The following NUBPL variants were observed in gnomAD, a reference collection of about 807,000 sequenced individuals.
The protein encoded by NUBPL is iron-sulfur cluster transfer protein NUBPL.
Under a neutral mutation model 45.7 loss-of-function variants are expected in NUBPL, and 31 were observed. That is an observed-to-expected ratio of 0.68 (90% confidence interval 0.51 to 0.92). The LOEUF (loss-of-function observed/expected upper bound fraction) is 0.92, where lower values mean the gene tolerates loss of function less well. Ranked by LOEUF, NUBPL falls within the 40% of genes least tolerant of loss-of-function variation. NUBPL has a pLI of 0.00. For missense variants in NUBPL, 401 were observed against 398.7 expected (o/e 1.01, Z -0.05); for synonymous variants, 144 against 140.9 (o/e 1.02, Z -0.15).
chr14:31,592,956 TA>T (rs1248793125), intron 3 of NUBPL, among the ~76,000 whole-genome samples: 2 of 152,194 alleles, frequency 1.3e-5, no homozygotes, highest in Non-Finnish European at 2.9e-5. Context: ...GAGGAGATAG[TA>T]AACAATAGGT....
At position 31,759,597 on chromosome 14, in the gene NUBPL, C is replaced by T. The variant is rs943349923; in HGVS notation, c.514-28183C>T. On this transcript the variant is annotated intron_variant, in intron 6 of 10. Transcript: ENST00000281081. ...CTGTTCTCATAGTAATTTTCAACTACATATGGTGTCCAACTTACAATGATT... is the reference window on the plus strand; with the variant it reads ...CTGTTCTCATAGTAATTTTCAACTATATATGGTGTCCAACTTACAATGATT... Among the ~76,000 whole-genome samples the T allele has an allele frequency of 9.2e-5, 14 of 151,948 alleles. 1 individual carries two copies. Among genetic ancestry groups the T allele is most frequent in the Non-Finnish European group, 1.9e-4 (13 of 68,012 alleles).
intron 4 of NUBPL, among the ~76,000 whole-genome samples, chr14:31,647,834 A>C (rs971414444): frequency 5.3e-5 from 8 of 152,216 alleles, no homozygotes; most frequent in Non-Finnish European, 1.2e-4. Context: ...CGTTTTGGCT[A>C]TCTAGCTTAT....
chr14:31,672,181 G>A (rs992836759), intron 4 of NUBPL, among the ~76,000 whole-genome samples: 65 of 151,944 alleles, frequency 4.3e-4, no homozygotes, highest in African/African-American at 1.4e-3. Context: ...TCAAAATTGA[G>A]TTTTTCTACT....
chr14:31,667,536 C>T (rs1395924081), intron 4 of NUBPL, among the ~76,000 whole-genome samples: 1 of 151,920 alleles, frequency 6.6e-6, no homozygotes, highest in African/African-American at 2.4e-5. Context: ...TATTACCCAC[C>T]TTCTGCCTAC....
intron 6 of NUBPL, among the ~76,000 whole-genome samples, chr14:31,719,336 T>C (rs184531238): frequency 1.4e-4 from 21 of 152,306 alleles, no homozygotes; most frequent in Non-Finnish European, 2.8e-4. Context: ...GTTGAGCCAT[T>C]GTATGTGTGG....
chr14:31,728,651 G>C (rs2037979572), intron 6 of NUBPL, among the ~76,000 whole-genome samples: 1 of 152,102 alleles, frequency 6.6e-6, no homozygotes, highest in Non-Finnish European at 1.5e-5. Context: ...TTGATCACTA[G>C]ACAACTATTC....
Position 31,744,313 on chromosome 14 carries a change from C to T in NUBPL, c.514-43467C>T, listed in dbSNP as rs2038348580. ...GTATTTAAACAGGCAGTTTGGAAAT[C>T]TTCTGACTAAGCATTTTGAATAATT... On this transcript the variant is annotated intron_variant, in intron 6 of 10. Transcript: ENST00000281081. 2.6e-5 allele frequency among the ~76,000 whole-genome samples: 4 copies of T among 152,130 alleles called. No individual in the cohort carries two copies. In the South Asian group the frequency reaches 6.2e-4, roughly 24 times the overall value.
chr14:31,666,226 A>G (rs1420810504), intron 4 of NUBPL, among the ~76,000 whole-genome samples: 3 of 53,518 alleles, frequency 5.6e-5, no homozygotes, highest in African/African-American at 1.2e-4. Flanking sequence ...ATTTATATTT[A>G]AGATATATAT....
At chr14:31,831,415 T>C (rs2040188178) in intron 8 of NUBPL, among the ~76,000 whole-genome samples, 1 of 152,018 alleles carries the variant, frequency 6.6e-6, no homozygotes, top group Non-Finnish European at 1.5e-5. Context: ...TCTAACTGTT[T>C]TCACATTTGT....
chr14:31,682,044 A>G (rs993794159), intron 6 of NUBPL, among the ~76,000 whole-genome samples: 1 of 152,144 alleles, frequency 6.6e-6, no homozygotes, highest in African/African-American at 2.4e-5. Flanking sequence ...GATTTAGGTC[A>G]GGTTGGTTGA....
intron 6 of NUBPL, among the ~76,000 whole-genome samples, chr14:31,766,626 C>A (rs1227059584): frequency 6.6e-6 from 1 of 152,166 alleles, no homozygotes; most frequent in African/African-American, 2.4e-5. Flanking sequence ...CTGCAGTTAT[C>A]GCCATTGACT....
At chr14:31,712,258 C>T (rs893669465) in intron 6 of NUBPL, among the ~76,000 whole-genome samples, 12 of 152,210 alleles carry the variant, frequency 7.9e-5, no homozygotes, top group Admixed American at 6.5e-4. Context: ...ATTTACAAAC[C>T]TTTAGCTAGA....
At chr14:31,688,223 G>GT (rs2036999784) in intron 6 of NUBPL, among the ~76,000 whole-genome samples, 1 of 152,144 alleles carries the variant, frequency 6.6e-6, no homozygotes, top group Non-Finnish European at 1.5e-5. Context: ...AAATATCAAT[G>GT]TAACAGGAGA....
rs182496490 is a variant in NUBPL at position 31,768,621 on chromosome 14, C to G, written c.514-19159C>G. ...GAGACAGGTGGAAGCAAAGGCATTTCTCTGCAGAGCTCTTTACCTGAATCT... is the reference window on the plus strand; with the variant it reads ...GAGACAGGTGGAAGCAAAGGCATTTGTCTGCAGAGCTCTTTACCTGAATCT... On this transcript the variant is annotated intron_variant, in intron 6 of 10. Coordinates refer to ENST00000281081, the MANE Select transcript of NUBPL (RefSeq NM_025152.3). Among the ~76,000 whole-genome samples the G allele has an allele frequency of 1.5e-3, 231 of 152,308 alleles. 1 individual carries two copies. Among genetic ancestry groups the G allele is most frequent in the African/African-American group, 5.3e-3 (222 of 41,564 alleles).
At chr14:31,760,137 G>GTT in intron 6 of NUBPL, among the ~76,000 whole-genome samples, 2 of 82,556 alleles carry the variant, frequency 2.4e-5, no homozygotes, top group Non-Finnish European at 5.5e-5. Context: ...GTGTGTGTGT[G>GTT]TGTGTGTGAG....
At chr14:31,638,284 G>A (rs1444412584) in intron 4 of NUBPL, among the ~76,000 whole-genome samples, 1 of 151,540 alleles carries the variant, frequency 6.6e-6, no homozygotes, top group South Asian at 2.1e-4. Context: ...GGCAGGCCTG[G>A]TGGTGACAAA....
chr14:31,828,963 T>A (rs1306320919), intron 8 of NUBPL, among the ~76,000 whole-genome samples: 2 of 152,148 alleles, frequency 1.3e-5, no homozygotes, highest in Admixed American at 1.3e-4. Flanking sequence ...AGCAAGGAAG[T>A]ATTGTGAGGA....
At chr14:31,729,275 T>TACC (rs1555332372) in intron 6 of NUBPL, among the ~76,000 whole-genome samples, 1 of 55,586 alleles carries the variant, frequency 1.8e-5, no homozygotes, top group Non-Finnish European at 4.0e-5. Context: ...AGATGCTCCA[T>TACC]CCCCCCCCCC....
intron 6 of NUBPL, among the ~76,000 whole-genome samples, chr14:31,682,997 C>T (rs112550512): frequency 6.5e-5 from 9 of 138,618 alleles, no homozygotes; most frequent in African/African-American, 1.6e-4. Context: ...GGAAGTGAGG[C>T]GGGGAGGAGG....
Sources: allele counts gnomAD v4.1 joint callset (sites outside exome capture counted in the v4.1 genomes callset), GRCh38; gene constraint gnomAD v4.1.1; transcripts MANE v1.5; gene names NCBI Gene and HGNC (gene_info 2026-07-23, HGNC 2026-07-21).